Variants in NXNL2 observed in about 807,000 individuals in gnomAD.
NXNL2 encodes nucleoredoxin like 2.
A neutral mutation model predicts 11.1 loss-of-function variants in NXNL2; 7 were observed. That is an observed-to-expected ratio of 0.63 (90% confidence interval 0.36 to 1.18). NXNL2 has a LOEUF of 1.18. Among genes scored for constraint, NXNL2 ranks in the 50% most tolerant of loss-of-function variants. NXNL2 has a pLI of 0.02. For synonymous variants in NXNL2, 109 were observed against 101.8 expected (o/e 1.07, Z -0.42); for missense variants, 233 against 217.7 (o/e 1.07, Z -0.44).
At chr9:88,540,541 A>T (rs1468361152) in intron 1 of NXNL2, among the ~76,000 whole-genome samples, 1 of 152,142 alleles carries the variant, frequency 6.6e-6, no homozygotes, top group Non-Finnish European at 1.5e-5. Context: ...ACATGAATTC[A>T]CATCTGCTCT....
At chr9:88,561,721 CT>C (rs930066805) in intron 1 of NXNL2, among the ~76,000 whole-genome samples, 2 of 152,152 alleles carry the variant, frequency 1.3e-5, no homozygotes, top group African/African-American at 4.8e-5. Context: ...CCGAGAACCT[CT>C]GCCCAGAGGA....
At chr9:88,564,293 C>T (rs1830135399) in intron 1 of NXNL2, among the ~76,000 whole-genome samples, 1 of 128,084 alleles carries the variant, frequency 7.8e-6, no homozygotes, top group Non-Finnish European at 1.6e-5. Flanking sequence ...TATTATCTAT[C>T]TATCTATCTA....
chr9:88,535,799 C>G, intron 1 of NXNL2, 63 bp downstream of exon 1: 1 of 1,384,618 alleles, frequency 7.2e-7, no homozygotes, highest in Non-Finnish European at 9.7e-7. Flanking sequence ...TCCCCCAGGC[C>G]TCCCCCTCTG....
intron 1 of NXNL2, among the ~76,000 whole-genome samples, chr9:88,541,048 C>T (rs972241814): frequency 1.2e-4 from 17 of 137,774 alleles, no homozygotes; most frequent in Admixed American, 1.5e-4. Flanking sequence ...TGGGTTCAAG[C>T]GATCCTCATG....
intron 2 of NXNL2, among the ~76,000 whole-genome samples, chr9:88,574,226 G>C (rs1830315539): frequency 6.6e-6 from 1 of 152,208 alleles, no homozygotes; most frequent in Admixed American, 6.5e-5. Flanking sequence ...CCATATGTCT[G>C]TCAATTGATG....
intron 1 of NXNL2, among the ~76,000 whole-genome samples, chr9:88,560,849 T>C (rs1395423275): frequency 1.3e-5 from 2 of 152,124 alleles, no homozygotes; most frequent in African/African-American, 2.4e-5. Flanking sequence ...AGGAGTGGCC[T>C]TGGGCTGAGA....
downstream of NXNL2, among the ~76,000 whole-genome samples, chr9:88,546,312 T>A (rs1587844181): frequency 6.6e-6 from 1 of 152,000 alleles, no homozygotes; most frequent in East Asian, 1.9e-4. Context: ...AGAGGCAGGG[T>A]CCACCTCGGC....
chr9:88,540,690 C>T (rs1313650115), intron 1 of NXNL2, among the ~76,000 whole-genome samples: 1 of 143,678 alleles, frequency 7.0e-6, no homozygotes, highest in Non-Finnish European at 1.5e-5. Flanking sequence ...CCTTTCCCTC[C>T]CCAGGTGAGT....
intron 1 of NXNL2, among the ~76,000 whole-genome samples, chr9:88,562,676 C>CG (rs1830100430): frequency 6.6e-6 from 1 of 151,294 alleles, no homozygotes; most frequent in African/African-American, 2.4e-5. Context: ...CACTTGAACC[C>CG]GGGGGGTGGA....
At chr9:88,559,466 T>C (rs1311429885) in intron 1 of NXNL2, among the ~76,000 whole-genome samples, 1 of 152,190 alleles carries the variant, frequency 6.6e-6, no homozygotes, top group Non-Finnish European at 1.5e-5. Context: ...ATCTGGTACT[T>C]GCCCCTCCAA....
chr9:88,546,705 A>G (rs1325086393), downstream of NXNL2, among the ~76,000 whole-genome samples: 1 of 152,090 alleles, frequency 6.6e-6, no homozygotes, highest in African/African-American at 2.4e-5. Flanking sequence ...ATGAGCCACC[A>G]CGCTTGGCCG....
Position 88,541,876 on chromosome 9 carries a change from G to C in NXNL2, c.303-2503G>C, listed in dbSNP as rs144935526. Among the ~76,000 whole-genome samples the C allele has an allele frequency of 2.0e-5, 3 of 152,226 alleles. No individual in the cohort carries two copies. The East Asian group carries it at 5.8e-4, about 29-fold the overall frequency. On this transcript the variant is annotated intron_variant, in intron 1 of 1. Coordinates refer to ENST00000375854, the MANE Select transcript of NXNL2 (RefSeq NM_001161625.2). Reference sequence around the variant, plus strand: ...CATATTGTTTTGTTTTAAATACTTTGTCATCTGCGTTACTATTTCCCATAT... The same window carrying C: ...CATATTGTTTTGTTTTAAATACTTTCTCATCTGCGTTACTATTTCCCATAT...
intron 1 of NXNL2, 27 bp from the exon 2 acceptor site, chr9:88,544,352 C>T: frequency 6.5e-7 from 1 of 1,547,330 alleles, no homozygotes; most frequent in Non-Finnish European, 8.7e-7. Flanking sequence ...GGAGTGCTAA[C>T]TTCGGTACCA....
chr9:88,578,769 C>G (rs764326961), downstream of NXNL2, among the ~76,000 whole-genome samples: 5 of 152,224 alleles, frequency 3.3e-5, no homozygotes, highest in Admixed American at 6.5e-5. Flanking sequence ...AGCTCAGCCT[C>G]GACTGGGGCT....
intron 1 of NXNL2, among the ~76,000 whole-genome samples, chr9:88,565,427 A>T (rs1830154670): frequency 6.6e-6 from 1 of 152,148 alleles, no homozygotes; most frequent in African/African-American, 2.4e-5. Context: ...TTTTTTGAGG[A>T]ATTGTTCCAT....
intron 1 of NXNL2, among the ~76,000 whole-genome samples, chr9:88,538,120 T>A (rs938192044): frequency 1.3e-5 from 2 of 152,164 alleles, no homozygotes; most frequent in African/African-American, 4.8e-5. Context: ...CCAGAGGGGA[T>A]TGAGATGACA....
At chr9:88,570,841 C>A (rs1830250588) in intron 1 of NXNL2, among the ~76,000 whole-genome samples, 1 of 151,902 alleles carries the variant, frequency 6.6e-6, no homozygotes, top group South Asian at 2.1e-4. Context: ...CTCCTGGGTT[C>A]AAACGATTCT....
At chr9:88,581,937 C>G (rs188822081) in intron 1 of NXNL2, among the ~76,000 whole-genome samples, 9 of 152,276 alleles carry the variant, frequency 5.9e-5, no homozygotes, top group Admixed American at 3.9e-4. Context: ...CATTTGTGGC[C>G]GGTTCTGGTG....
intron 1 of NXNL2, among the ~76,000 whole-genome samples, chr9:88,554,827 C>T (rs1350325149): frequency 6.6e-6 from 1 of 152,092 alleles, no homozygotes; most frequent in Non-Finnish European, 1.5e-5. Context: ...ATTTCAGGGC[C>T]CTATAAATTT....
Sources: gnomAD v4.1 joint callset for allele counts (sites outside exome capture counted in the v4.1 genomes callset) on GRCh38, gnomAD v4.1.1 for gene constraint, MANE v1.5 for transcripts, NCBI Gene and HGNC (gene_info 2026-07-23, HGNC 2026-07-21) for gene names.